C2: variants seen among roughly 807,000 people sequenced by gnomAD.
C2 encodes the protein complement C2.
Under a neutral mutation model 85.2 loss-of-function variants are expected in C2, and 64 were observed. The ratio of observed to expected loss-of-function variants is 0.75; its 90% CI spans 0.61 to 0.92. The LOEUF is 0.92. Ranked by LOEUF, C2 falls within the 40% of genes least tolerant of loss-of-function variation. The probability of loss-of-function intolerance (pLI) is 0.00; values close to 1 mark genes in which losing one functional copy is unlikely to be tolerated. For synonymous variants in C2, 311 were observed against 370.8 expected (o/e 0.84, Z 1.85); for missense variants, 820 against 971.6 (o/e 0.84, Z 2.07).
In C2 at chr6:31,937,206, C is replaced by CT. The variant is rs1770489207; in HGVS notation, c.989-113_989-112insT. Reference sequence around the variant, plus strand: ...CCTGGGTGGCAGAGCGAGACTCTCTCAAAAAAAAAAAAAAAATTGCATTTC... The same window carrying CT: ...CCTGGGTGGCAGAGCGAGACTCTCTCTAAAAAAAAAAAAAAAATTGCATTTC... On this transcript the variant is annotated intron_variant, in intron 7 of 17. Coordinates refer to ENST00000299367, the MANE Select transcript of C2 (RefSeq NM_000063.6). The CT allele has an allele frequency of 8.3e-4, 846 of 1,024,440 alleles. 1 individual carries two copies. Among genetic ancestry groups the CT allele is most frequent in the East Asian group, 8.1e-3 (299 of 37,004 alleles). 63.5% of individuals were successfully genotyped at this position (1,024,440 alleles called of 1,614,324 possible).
At chr6:31,938,758 C>G (rs1770644305) in intron 8 of C2, among the ~76,000 whole-genome samples, 1 of 152,066 alleles carries the variant, frequency 6.6e-6, no homozygotes, top group Admixed American at 6.6e-5. Flanking sequence ...CTCCCAGGTT[C>G]AAGCGATTCT....
upstream of C2, among the ~76,000 whole-genome samples, chr6:31,919,216 C>T: frequency 6.6e-6 from 1 of 150,778 alleles, no homozygotes; most frequent in East Asian, 2.0e-4. Context: ...GCAATCTCAG[C>T]TCACAGCAAC....
At chr6:31,934,105 G>A (rs1770191567) in intron 5 of C2, 61 bp from the exon 6 acceptor site, 1 of 1,601,338 alleles carries the variant, frequency 6.2e-7, no homozygotes, top group Non-Finnish European at 8.6e-7. Context: ...AGCTGGACCT[G>A]CTTGGCGAGA....
intron 9 of C2, among the ~76,000 whole-genome samples, chr6:31,941,902 TC>T (rs1770915850): frequency 7.3e-6 from 1 of 136,452 alleles, no homozygotes; most frequent in Non-Finnish European, 1.5e-5. Context: ...CACTGCAACA[TC>T]CGCCTCCCGG....
chr6:31,902,734 C>T (rs1767446131), intron 1 of C2, among the ~76,000 whole-genome samples: 1 of 152,174 alleles, frequency 6.6e-6, no homozygotes, highest in African/African-American at 2.4e-5. Context: ...CACTCCATGT[C>T]AGTCCTTTAA....
rs1770398742 is a variant in C2, at chr6:31,936,118, C to A, written c.988+57C>A. 3.8e-6 allele frequency: 6 copies of A among 1,587,010 alleles called. No homozygotes were observed. In the East Asian group the frequency reaches 1.1e-4, roughly 30 times the overall value. On this transcript the variant is annotated intron_variant, in intron 7 of 17. Coordinates refer to ENST00000299367, the MANE Select transcript of C2 (RefSeq NM_000063.6). ...GAGGAGAAGATGGACCCTCTCAGGG[C>A]CTGCAAACAAATTCTGGATGAGTTA...
In C2 at chr6:31,945,075, G is replaced by T. The variant is rs762630508; in HGVS notation, c.2079+46G>T. 1 of 1,611,882 alleles carries T rather than the reference G, an allele frequency of 6.2e-7. No individual in the cohort carries two copies. On this transcript the variant is annotated intron_variant, in intron 17 of 17. Transcript: ENST00000299367. The surrounding 1 kb of genome is among the most constrained non-coding windows in gnomAD (Gnocchi z 5.3). The stretch of plus-strand genomic sequence containing the variant: ...AGGACCCAGGGGTTACAGGATCTCA[G>T]CCTTGTTGGGGGGATGAGGGAGGCC...
upstream of C2, chr6:31,900,595 G>T: frequency 6.2e-7 from 1 of 1,612,594 alleles, no homozygotes; most frequent in South Asian, 1.1e-5. This position sits in a 1 kb window ranked among gnomAD's most constrained non-coding sequence, Gnocchi z 9.7. Context: ...CACCCACGGA[G>T]CCTCCAATGC....
chr6:31,900,313 C>T (rs1402708910), upstream of C2: 5 of 1,612,008 alleles, frequency 3.1e-6, no homozygotes, highest in Non-Finnish European at 4.2e-6. The surrounding 1 kb of genome is among the most constrained non-coding windows in gnomAD (Gnocchi z 9.7). Flanking sequence ...ACTTGATGTT[C>T]TTTAAGGGGT....
chr6:31,944,241 T>C lies in C2; in HGVS notation c.1902+15T>C. 1 of 1,562,388 alleles carries C rather than the reference T, an allele frequency of 6.4e-7. No homozygotes were observed. The highest frequency in any genetic ancestry group is 8.8e-7 in the Non-Finnish European group (1 of 1,133,826). On this transcript the variant is annotated intron_variant, in intron 15 of 17. Transcript: ENST00000299367. This position sits in a 1 kb window ranked among gnomAD's most constrained non-coding sequence, Gnocchi z 5.1. The stretch of plus-strand genomic sequence containing the variant: ...TGGGAGTGGAGGTGAGGGTCTCAGG[T>C]TGGGGATGCTGGGATCCCCCTGTGA...
chr6:31,932,144 G>A (rs1311385581), intron 3 of C2, among the ~76,000 whole-genome samples: 4 of 113,492 alleles, frequency 3.5e-5, no homozygotes, highest in African/African-American at 1.1e-4. Context: ...CCTCCCGGAC[G>A]GGGCGGCTGG....
upstream of C2, among the ~76,000 whole-genome samples, chr6:31,898,388 G>A (rs1766868267): frequency 6.6e-6 from 1 of 152,118 alleles, no homozygotes; most frequent in Non-Finnish European, 1.5e-5. Context: ...ATAGCCCAGC[G>A]GACAATTTAA....
chr6:31,943,077 C>T lies in C2; in HGVS notation c.1338C>T (p.His446=). Residue 446 remains histidine, a synonymous_variant, in exon 10 of 18, where the codon CAC becomes CAT. Coordinates refer to ENST00000299367, the MANE Select transcript of C2 (RefSeq NM_000063.6). This position sits in a 1 kb window ranked among gnomAD's most constrained non-coding sequence, Gnocchi z 6.4. ...AFILQDTKAL[H]QVFEHMLDVS... Reference sequence around the variant, plus strand: ...TTCTGCAGGACACAAAGGCTCTGCACCAGGTCTTTGAACATATGCTGGGTG... The same window carrying T: ...TTCTGCAGGACACAAAGGCTCTGCATCAGGTCTTTGAACATATGCTGGGTG... The T allele has an allele frequency of 1.9e-6, 3 of 1,613,038 alleles. No homozygotes were observed. The highest frequency in any genetic ancestry group is 2.5e-6 in the Non-Finnish European group (3 of 1,180,032).
Position 31,935,135 on chromosome 6 carries a change from AT to A in C2, c.850-786del. The A allele has an allele frequency of 2.1e-6, 2 of 935,400 alleles. No individual in the cohort carries two copies. Among genetic ancestry groups the A allele is most frequent in the South Asian group, 4.9e-5 (1 of 20,312 alleles). 57.9% of individuals were successfully genotyped at this position (935,400 alleles called of 1,614,324 possible). Reference sequence around the variant, plus strand: ...TGCTTTTCACAATACTTCATGTAACATTATAGATGGTTTTCCCTCCCAGCTA... The same window carrying A: ...TGCTTTTCACAATACTTCATGTAACATATAGATGGTTTTCCCTCCCAGCTA... On this transcript the variant is annotated intron_variant, in intron 6 of 17. Coordinates refer to ENST00000299367, the MANE Select transcript of C2 (RefSeq NM_000063.6). This position sits in a 1 kb window ranked among gnomAD's most constrained non-coding sequence, Gnocchi z 4.3.
chr6:31,919,455 A>G (rs1348821577), upstream of C2, among the ~76,000 whole-genome samples: 1 of 152,162 alleles, frequency 6.6e-6, no homozygotes, highest in Admixed American at 6.6e-5. Context: ...TTGAATAGGT[A>G]TCATATGTAC....
upstream of C2, chr6:31,900,563 T>C: frequency 6.2e-7 from 1 of 1,612,102 alleles, no homozygotes. This position sits in a 1 kb window ranked among gnomAD's most constrained non-coding sequence, Gnocchi z 9.7. Context: ...AACGCTGCTC[T>C]GGGCCAGCTC....
chr6:31,905,141 T>C (rs1767631803), intron 1 of C2, among the ~76,000 whole-genome samples: 1 of 152,024 alleles, frequency 6.6e-6, no homozygotes, highest in Non-Finnish European at 1.5e-5. Context: ...GAGATACTTT[T>C]AGGATTTTTG....
Position 31,934,177 on chromosome 6 carries a change from C to G in C2, c.727C>G (p.Arg243Gly). ...CCACATTTCTCCAGAAAGCCTGGGC[C>G]GTAAAATCCAAATCCAGCGCTCTGG... ...PTQKTKESLG[R>G]KIQIQRSGHL... Residue 243 changes from arginine (R) to glycine (G), a missense_variant, in exon 6 of 18, where the codon CGT becomes GGT. Coordinates refer to ENST00000299367, the MANE Select transcript of C2 (RefSeq NM_000063.6). 1.2e-6 allele frequency: 2 copies of G among 1,614,146 alleles called. No individual in the cohort carries two copies. Among genetic ancestry groups the G allele is most frequent in the Non-Finnish European group, 1.7e-6 (2 of 1,180,026 alleles).
At chr6:31,911,531 T>C (rs1412776107) in intron 1 of C2, among the ~76,000 whole-genome samples, 2 of 152,132 alleles carry the variant, frequency 1.3e-5, no homozygotes, top group African/African-American at 4.8e-5. Context: ...GAAGATTACA[T>C]GCTTCTTGAA....
Sources: allele counts gnomAD v4.1 joint callset (sites outside exome capture counted in the v4.1 genomes callset), GRCh38; gene constraint gnomAD v4.1.1; non-coding constraint Gnocchi (gnomAD v3.1); transcripts MANE v1.5; gene names NCBI Gene and HGNC (gene_info 2026-07-23, HGNC 2026-07-21).